Variants in SLC2A9 observed in about 807,000 individuals in gnomAD.
The protein encoded by SLC2A9 is solute carrier family 2 member 9.
SLC2A9 carries 39 observed loss-of-function variants against 50.6 expected under a neutral mutation model. That is an observed-to-expected ratio of 0.77 (90% CI 0.60 to 1.01). The LOEUF is 1.01. Among genes scored for constraint, SLC2A9 ranks in the 50% least tolerant of loss-of-function variants. The pLI, the probability that SLC2A9 is intolerant of heterozygous loss-of-function variation, is 0.00. For synonymous variants in SLC2A9, 324 were observed against 276.9 expected, an observed-to-expected ratio of 1.17 and a Z score of -1.69; for missense variants, 686 against 677.6, an observed-to-expected ratio of 1.01 and a Z score of -0.14.
intron 10 of SLC2A9, among the ~76,000 whole-genome samples, chr4:9,870,920 G>C (rs887555722): frequency 3.3e-5 from 5 of 152,144 alleles, no homozygotes; most frequent in African/African-American, 1.2e-4. Context: ...AACTTAGGAA[G>C]ATTTTTTTGG....
chr4:9,938,270 A>AC (rs1747464265), intron 6 of SLC2A9, among the ~76,000 whole-genome samples: 1 of 118,222 alleles, frequency 8.5e-6, no homozygotes, highest in Non-Finnish European at 1.7e-5. Flanking sequence ...ATCTTTTGCT[A>AC]TTTTTTTTTT....
At position 9,981,544 on chromosome 4, in the gene SLC2A9, C is replaced by A. The variant is rs542020276; in HGVS notation, c.536-807G>T. On this transcript the variant is annotated intron_variant, in intron 4 of 11. Coordinates refer to ENST00000264784, the MANE Select transcript of SLC2A9 (RefSeq NM_020041.3). ...AGGCACAGAAAAGTTGAGTAACTTG[C>A]CTAAATCACCAAGTAATGTCCAGAG... Among the ~76,000 whole-genome samples, 13 of 152,262 alleles carry A rather than the reference C, an allele frequency of 8.5e-5. No homozygotes were observed. In the East Asian group the frequency reaches 2.5e-3, roughly 29 times the overall value.
chr4:9,772,516 A>C (rs1199390039), intron 1 of SLC2A9, among the ~76,000 whole-genome samples: 2 of 152,196 alleles, frequency 1.3e-5, no homozygotes, highest in East Asian at 3.9e-4. Flanking sequence ...GGGTGGCCGC[A>C]TTGACCCCAC....
At chr4:9,833,692 T>A (rs1337501873) in intron 11 of SLC2A9, among the ~76,000 whole-genome samples, 1 of 152,092 alleles carries the variant, frequency 6.6e-6, no homozygotes, top group Non-Finnish European at 1.5e-5. Context: ...CTCTGGGATG[T>A]GTTGGGCTTG....
chr4:9,911,137 T>C (rs1406579095), intron 7 of SLC2A9, among the ~76,000 whole-genome samples: 1 of 151,870 alleles, frequency 6.6e-6, no homozygotes, highest in Non-Finnish European at 1.5e-5. Context: ...ATCCCAGAAC[T>C]TAAAGTATAA....
chr4:9,944,734 G>A (rs1748799907), intron 5 of SLC2A9, among the ~76,000 whole-genome samples: 1 of 152,230 alleles, frequency 6.6e-6, no homozygotes, highest in African/African-American at 2.4e-5. Context: ...CAGCAGAAGA[G>A]TCTGAACCTG....
chr4:9,830,462 G>A (rs779200232), intron 11 of SLC2A9, among the ~76,000 whole-genome samples: 1 of 152,140 alleles, frequency 6.6e-6, no homozygotes, highest in Non-Finnish European at 1.5e-5. Flanking sequence ...AACCACCACG[G>A]CATGTGTTTA....
At chr4:9,984,854 C>A (rs1178905979) in intron 4 of SLC2A9, among the ~76,000 whole-genome samples, 1 of 152,190 alleles carries the variant, frequency 6.6e-6, no homozygotes. Flanking sequence ...TCTCAACCCT[C>A]CCTGCATACT....
intron 3 of SLC2A9, among the ~76,000 whole-genome samples, chr4:9,804,804 A>G (rs1320892329): frequency 1.3e-5 from 2 of 152,172 alleles, no homozygotes; most frequent in African/African-American, 2.4e-5. Context: ...CAGCTTCGCC[A>G]CTTTGTTAGG....
chr4:9,907,330 C>T (rs1249631851), intron 8 of SLC2A9, among the ~76,000 whole-genome samples: 2 of 152,138 alleles, frequency 1.3e-5, no homozygotes, highest in Admixed American at 6.5e-5. Flanking sequence ...CAAGAAGTGC[C>T]GGAGCCAGGA....
chr4:10,023,542 G>A (rs1763652208), upstream of SLC2A9, among the ~76,000 whole-genome samples: 1 of 152,190 alleles, frequency 6.6e-6, no homozygotes, highest in South Asian at 2.1e-4. Flanking sequence ...TGTTGGGTTT[G>A]AAAACTCAAA....
At chr4:10,023,502 C>T (rs1275349731), upstream of SLC2A9, among the ~76,000 whole-genome samples, 2 of 152,234 alleles carry the variant, frequency 1.3e-5, no homozygotes, top group East Asian at 3.8e-4. Flanking sequence ...GGTGTCCCCT[C>T]ATCCCGTTAA....
downstream of SLC2A9, among the ~76,000 whole-genome samples, chr4:9,776,187 CTTT>C (rs75524600): frequency 2.1e-5 from 3 of 141,956 alleles, no homozygotes; most frequent in African/African-American, 2.6e-5. Context: ...GTCTTTCTTT[CTTT>C]TTTTTTTTTT....
rs558702844 is a variant in SLC2A9 at position 9,870,477 on chromosome 4, C to T, written c.1291+17090G>A. Among the ~76,000 whole-genome samples the T allele has an allele frequency of 2.2e-4, 34 of 152,282 alleles. 1 individual carries two copies. Among genetic ancestry groups the T allele is most frequent in the African/African-American group, 8.2e-4 (34 of 41,548 alleles). ...TTTTCTACATTTCTGTTGAAAACCC[C>T]AGCATACGCACCAAAACTTTGAAGG... On this transcript the variant is annotated intron_variant, in intron 10 of 11. Transcript: ENST00000264784.
intron 2 of SLC2A9, among the ~76,000 whole-genome samples, chr4:10,012,527 A>G (rs1017955248): frequency 2.0e-5 from 3 of 152,240 alleles, no homozygotes; most frequent in African/African-American, 7.2e-5. Context: ...GGAATATGTC[A>G]TATCTCAGGT....
chr4:9,843,493 T>C (rs536996657), intron 10 of SLC2A9, among the ~76,000 whole-genome samples: 1 of 151,792 alleles, frequency 6.6e-6, no homozygotes, highest in African/African-American at 2.4e-5. Flanking sequence ...TGTAACACTA[T>C]AGTTAGGGGC....
At chr4:9,889,134 G>C (rs1219786582) in intron 9 of SLC2A9, among the ~76,000 whole-genome samples, 3 of 152,192 alleles carry the variant, frequency 2.0e-5, no homozygotes, top group Admixed American at 2.0e-4. Flanking sequence ...ACACAGGAGA[G>C]AGCACCTCAC....
chr4:9,882,573 A>T (rs6848689), intron 10 of SLC2A9, among the ~76,000 whole-genome samples: 2 of 151,742 alleles, frequency 1.3e-5, no homozygotes, highest in African/African-American at 4.8e-5. Context: ...GCCAGGCGTG[A>T]TGGTGGACGC....
downstream of SLC2A9, among the ~76,000 whole-genome samples, chr4:9,825,739 C>T (rs750088638): frequency 1.3e-5 from 2 of 152,144 alleles, no homozygotes; most frequent in Non-Finnish European, 2.9e-5. Context: ...AAGTTTTGAG[C>T]CCATTCCTGG....
Sources: allele counts gnomAD v4.1 joint callset (sites outside exome capture counted in the v4.1 genomes callset), GRCh38; gene constraint gnomAD v4.1.1; transcripts MANE v1.5; gene names NCBI Gene and HGNC (gene_info 2026-07-23, HGNC 2026-07-21).